The following C6orf118 variants were observed in gnomAD, a reference collection of about 807,000 sequenced individuals.
C6orf118 encodes the protein uncharacterized protein C6orf118.
In C6orf118, 50 loss-of-function variants were observed where a neutral mutation model predicts 50.2. The observed-to-expected ratio is 1.00, with a 90% CI of 0.79 to 1.26. The LOEUF (loss-of-function observed/expected upper bound fraction) is 1.26. C6orf118 is among the 50% of genes most tolerant of loss of function. C6orf118 has a pLI of 0.00. For missense variants in C6orf118, 641 were observed against 578.7 expected (o/e 1.11, Z -1.10); for synonymous variants, 239 against 230.9 (o/e 1.03, Z -0.32).
At chr6:165,301,531 G>A (rs760279627) in intron 2 of C6orf118, 38 bp downstream of exon 2, 3 of 1,575,056 alleles carry the variant, frequency 1.9e-6, no homozygotes, top group East Asian at 2.2e-5. Context: ...TGCCCTGAGA[G>A]CTCTTCCCTG....
At position 165,298,075 on chromosome 6, in the gene C6orf118, C is replaced by T; in HGVS notation, c.963G>A (p.Leu321=). Residue 321 remains leucine (L), a synonymous_variant, in exon 5 of 9, where the codon CTG becomes CTA. Coordinates refer to ENST00000230301, the MANE Select transcript of C6orf118 (RefSeq NM_144980.4). The stretch of plus-strand genomic sequence containing the variant: ...CCGCCGTCTTCACCGGCCTCTGCCC[C>T]AGCGCCTTGAGTTGAGCCAGAAGAG... ...YEALLAQLKA[L]GQRPVKTADM... is the part of the protein sequence containing the mutation. The T allele has an allele frequency of 1.2e-6, 2 of 1,609,632 alleles. No homozygotes were observed. The highest frequency in any genetic ancestry group is 8.5e-7 in the Non-Finnish European group (1 of 1,177,736).
chr6:165,279,952 T>A lies in C6orf118; in HGVS notation c.*105A>T. The A allele has an allele frequency of 8.6e-7, 1 of 1,167,278 alleles. No individual in the cohort carries two copies. Among genetic ancestry groups the A allele is most frequent in the Non-Finnish European group, 1.2e-6 (1 of 829,834 alleles). The allele number at this position is 1,167,278 out of a possible 1,614,324, so 72.3% of individuals were successfully genotyped here. A position where few individuals can be genotyped will look rare whatever the true frequency, so the allele number is the denominator to read the frequency against. On this transcript the variant is annotated 3_prime_UTR_variant, in exon 9 of 9. Coordinates refer to ENST00000230301, the MANE Select transcript of C6orf118 (RefSeq NM_144980.4). ...TAATTTTACTAGAGATTAAAGCTGATGAAATGAAATGTATCTTTATGAATG... is the reference window on the plus strand; with the variant it reads ...TAATTTTACTAGAGATTAAAGCTGAAGAAATGAAATGTATCTTTATGAATG...
intron 7 of C6orf118, among the ~76,000 whole-genome samples, chr6:165,286,007 A>G (rs1001486209): frequency 2.6e-5 from 4 of 152,014 alleles, no homozygotes; most frequent in African/African-American, 4.8e-5. Flanking sequence ...TGAAAAAAAA[A>G]TTAATAAAAT....
chr6:165,290,203 T>C (rs1780061100), intron 6 of C6orf118, 136 bp from the exon 7 acceptor site: 3 of 572,210 alleles, frequency 5.2e-6, no homozygotes, highest in South Asian at 2.9e-5. Context: ...TCGAAGCATG[T>C]CAATAAAAAT....
At chr6:165,297,432 G>A (rs1780349392) in intron 5 of C6orf118, among the ~76,000 whole-genome samples, 1 of 150,526 alleles carries the variant, frequency 6.6e-6, no homozygotes, top group African/African-American at 2.4e-5. Context: ...AGAACAAATT[G>A]GAACAACAAA....
intron 5 of C6orf118, among the ~76,000 whole-genome samples, chr6:165,296,605 G>A (rs536749575): frequency 6.6e-6 from 1 of 152,040 alleles, no homozygotes; most frequent in Non-Finnish European, 1.5e-5. Context: ...AATTCCCCAT[G>A]GAAAACCCGC....
intron 5 of C6orf118, among the ~76,000 whole-genome samples, chr6:165,296,250 G>GTTTTTTTTTT (rs56394079): frequency 2.0e-4 from 21 of 103,372 alleles, no homozygotes; most frequent in Admixed American, 3.3e-4. Context: ...TTCGTTTTTT[G>GTTTTTTTTTT]TTTTTTTTTT....
At chr6:165,289,863 A>G in intron 7 of C6orf118, 23 bp downstream of exon 7, 1 of 1,500,512 alleles carries the variant, frequency 6.7e-7, no homozygotes. Flanking sequence ...TAATGTAAAT[A>G]TTTAAATAAA....
In C6orf118 at chr6:165,293,438, C is replaced by T. The variant is rs1478154975; in HGVS notation, c.1095G>A (p.Leu365=). ...CTGATCGTTCCTTTGCAGACTGCAG[C>T]AATGCCACCTCCATCTCCAGTTCAC... The part of the protein sequence containing the change: ...LRSELEMEVA[L]LQSAKERSES... The change falls in exon 6 of 9, where the codon TTG becomes TTA. Residue 365 remains leucine, a synonymous_variant. Coordinates refer to ENST00000230301, the MANE Select transcript of C6orf118 (RefSeq NM_144980.4). 6.2e-7 allele frequency: 1 copy of T among 1,613,764 alleles called. No individual in the cohort carries two copies. Among genetic ancestry groups the T allele is most frequent in the Non-Finnish European group, 8.5e-7 (1 of 1,179,750 alleles).
At chr6:165,286,079 A>C (rs1779894503) in intron 7 of C6orf118, among the ~76,000 whole-genome samples, 1 of 152,150 alleles carries the variant, frequency 6.6e-6, no homozygotes, top group Non-Finnish European at 1.5e-5. Flanking sequence ...AGACAAAATA[A>C]AAAATGATAA....
At chr6:165,298,961 A>G (rs760920213) in intron 4 of C6orf118, among the ~76,000 whole-genome samples, 6 of 152,238 alleles carry the variant, frequency 3.9e-5, no homozygotes, top group Non-Finnish European at 8.8e-5. Context: ...CTTAGGTTTT[A>G]TAAGTGATAA....
chr6:165,299,840 C>T (rs1021114202), intron 3 of C6orf118, among the ~76,000 whole-genome samples: 7 of 152,148 alleles, frequency 4.6e-5, no homozygotes, highest in South Asian at 2.1e-4. Flanking sequence ...TGTGCCACCA[C>T]GCCCAGCTAA....
intron 7 of C6orf118, 54 bp downstream of exon 7, chr6:165,289,832 C>A: frequency 7.8e-7 from 1 of 1,277,606 alleles, no homozygotes; most frequent in South Asian, 1.7e-5. Context: ...ATGTGTTTGC[C>A]AAGGTCTTCA....
chr6:165,286,906 A>G (rs955583261), intron 7 of C6orf118, among the ~76,000 whole-genome samples: 3 of 152,306 alleles, frequency 2.0e-5, no homozygotes, highest in African/African-American at 7.2e-5. Flanking sequence ...CCTATTCAAC[A>G]TAATATTGGG....
intron 1 of C6orf118, among the ~76,000 whole-genome samples, chr6:165,307,242 C>T (rs1356067629): frequency 2.5e-5 from 2 of 81,134 alleles, no homozygotes; most frequent in Non-Finnish European, 2.1e-5. Context: ...CAGAATAGGA[C>T]AATAGGCCTT....
chr6:165,302,674 C>A (rs545087851), intron 1 of C6orf118, among the ~76,000 whole-genome samples: 1 of 152,156 alleles, frequency 6.6e-6, no homozygotes, highest in African/African-American at 2.4e-5. Flanking sequence ...TCTTCTTTAA[C>A]GTATTTCACC....
chr6:165,291,042 C>A (rs1780088120), intron 6 of C6orf118, among the ~76,000 whole-genome samples: 1 of 152,128 alleles, frequency 6.6e-6, no homozygotes. Flanking sequence ...AACTTATTCA[C>A]TACCATGAGA....
At chr6:165,296,243 G>GTTT in intron 5 of C6orf118, among the ~76,000 whole-genome samples, 1 of 55,354 alleles carries the variant, frequency 1.8e-5, no homozygotes, top group Non-Finnish European at 3.5e-5. Flanking sequence ...TGTTGTTTTC[G>GTTT]TTTTTTGTTT....
chr6:165,290,864 C>G (rs1382526783), intron 6 of C6orf118, among the ~76,000 whole-genome samples: 2 of 152,122 alleles, frequency 1.3e-5, no homozygotes, highest in East Asian at 3.9e-4. Context: ...AATTTACAAA[C>G]AAAAGAGATT....
Sources: allele counts gnomAD v4.1 joint callset (sites outside exome capture counted in the v4.1 genomes callset), GRCh38; gene constraint gnomAD v4.1.1; transcripts MANE v1.5; gene names NCBI Gene and HGNC (gene_info 2026-07-23, HGNC 2026-07-21).